Variants in PCDHGA8 observed in about 807,000 individuals in gnomAD.
PCDHGA8 encodes the protein protocadherin gamma-A8.
PCDHGA8 carries 45 observed loss-of-function variants against 59.2 expected under a neutral mutation model. That is an observed-to-expected ratio of 0.76 (90% CI 0.60 to 0.98). The LOEUF is 0.98. Ranked by LOEUF, PCDHGA8 falls within the 50% of genes least tolerant of loss-of-function variation. PCDHGA8 has a pLI of 0.00. For missense variants in PCDHGA8, 1,257 were observed against 1,196.2 expected (o/e 1.05, Z -0.75); for synonymous variants, 531 against 519.0 (o/e 1.02, Z -0.32).
At chr5:141,423,303 G>C (rs779246046) in intron 1 of PCDHGA8, 2 of 1,614,172 alleles carry the variant, frequency 1.2e-6, no homozygotes, top group Non-Finnish European at 1.7e-6. Flanking sequence ...ACCTCTCGCT[G>C]TACTTGGTGG....
intron 1 of PCDHGA8, chr5:141,420,092 G>A: frequency 1.2e-6 from 2 of 1,614,020 alleles, no homozygotes; most frequent in Non-Finnish European, 1.7e-6. Flanking sequence ...CAACTACAGT[G>A]AGGGAACGTT....
At chr5:141,415,482 G>A in intron 1 of PCDHGA8, 1 of 1,614,218 alleles carries the variant, frequency 6.2e-7, no homozygotes, top group Non-Finnish European at 8.5e-7. Flanking sequence ...ACTCGCGAAA[G>A]AGTCACCTGA....
chr5:141,438,513 A>G (rs2097964808), intron 1 of PCDHGA8, among the ~76,000 whole-genome samples: 1 of 148,768 alleles, frequency 6.7e-6, no homozygotes, highest in Non-Finnish European at 1.5e-5. Context: ...TGCAAAACCA[A>G]TTATTTTACA....
chr5:141,486,444 T>G lies in PCDHGA8; in HGVS notation c.2425-8363T>G. 1 of 1,614,086 alleles carries G rather than the reference T, an allele frequency of 6.2e-7. No homozygotes were observed. Among genetic ancestry groups the G allele is most frequent in the Non-Finnish European group, 8.5e-7 (1 of 1,179,930 alleles). ...GAGGCCAAATCTAGCTATGACATCA[T>G]GGTCACTGCTTCTGATGCTGGGAAC... On this transcript the variant is annotated intron_variant, in intron 1 of 3. Coordinates refer to ENST00000398604, the MANE Select transcript of PCDHGA8 (RefSeq NM_032088.2). The surrounding 1 kb of genome is among the most constrained non-coding windows in gnomAD (Gnocchi z 5.0).
intron 1 of PCDHGA8, chr5:141,442,112 C>CTCG (rs2098300474): frequency 6.0e-6 from 1 of 166,158 alleles, no homozygotes; most frequent in Admixed American, 6.5e-5. Context: ...ACTACCGCCC[C>CTCG]TCGTCGCCGA....
intron 1 of PCDHGA8, chr5:141,398,830 G>A: frequency 6.2e-7 from 1 of 1,613,946 alleles, no homozygotes; most frequent in Non-Finnish European, 8.5e-7. Flanking sequence ...GGTAACCGAC[G>A]CCAATGATAA....
intron 1 of PCDHGA8, chr5:141,403,432 G>A: frequency 1.2e-6 from 2 of 1,614,018 alleles, no homozygotes; most frequent in Non-Finnish European, 1.7e-6. Flanking sequence ...CTATTGATCC[G>A]GATGTTGGCG....
At chr5:141,467,167 C>T (rs2099138606) in intron 1 of PCDHGA8, among the ~76,000 whole-genome samples, 1 of 151,832 alleles carries the variant, frequency 6.6e-6, no homozygotes, top group Non-Finnish European at 1.5e-5. Context: ...ATTCTCATCT[C>T]TCAGCCTCCC....
In PCDHGA8 at chr5:141,491,633, C is replaced by T; in HGVS notation, c.2425-3174C>T. Reference sequence around the variant, plus strand: ...CTAAGACCCCTCAGCGTTCAGCAGCCCACAGCTCTGGCGCTGGAGCCTGAC... The same window carrying T: ...CTAAGACCCCTCAGCGTTCAGCAGCTCACAGCTCTGGCGCTGGAGCCTGAC... On this transcript the variant is annotated intron_variant, in intron 1 of 3. Transcript: ENST00000398604. This position sits in a 1 kb window ranked among gnomAD's most constrained non-coding sequence, Gnocchi z 6.9. 2 of 1,613,916 alleles carry T rather than the reference C, an allele frequency of 1.2e-6. No homozygotes were observed.
chr5:141,490,251 A>G lies in PCDHGA8; in HGVS notation c.2425-4556A>G, dbSNP rs1479384008. ...CCATGGAGGGCCACTGTGTGATTCA[A>G]GTGGATGTGGGGGATGTCAATGACA... is the stretch of plus-strand genomic sequence containing the variant. On this transcript the variant is annotated intron_variant, in intron 1 of 3. Coordinates refer to ENST00000398604, the MANE Select transcript of PCDHGA8 (RefSeq NM_032088.2). This position sits in a 1 kb window ranked among gnomAD's most constrained non-coding sequence, Gnocchi z 5.4. 6.2e-7 allele frequency: 1 copy of G among 1,614,210 alleles called. No homozygotes were observed. Among genetic ancestry groups the G allele is most frequent in the Non-Finnish European group, 8.5e-7 (1 of 1,180,036 alleles).
At chr5:141,411,215 A>C (rs1202378654) in intron 1 of PCDHGA8, 1 of 152,270 alleles carries the variant, frequency 6.6e-6, no homozygotes, top group Non-Finnish European at 1.5e-5. Context: ...TAACCTATCT[A>C]TTCAAATTTG....
chr5:141,412,664 A>G (rs959517920), intron 1 of PCDHGA8: 10 of 152,288 alleles, frequency 6.6e-5, no homozygotes, highest in African/African-American at 2.4e-4. Flanking sequence ...AGACACTAAT[A>G]TGACCTAAAA....
At position 141,414,898 on chromosome 5, in the gene PCDHGA8, G is replaced by A. The variant is rs1369274783; in HGVS notation, c.2424+19661G>A. On this transcript the variant is annotated intron_variant, in intron 1 of 3. Coordinates refer to ENST00000398604, the MANE Select transcript of PCDHGA8 (RefSeq NM_032088.2). ...CCTGTACCCCGCCCTCCCCACAGAC[G>A]GTTCCACAGGCGTGGAGCTGGCGCC... is the stretch of plus-strand genomic sequence containing the variant. 2.5e-6 allele frequency: 4 copies of A among 1,614,190 alleles called. No individual in the cohort carries two copies. Among genetic ancestry groups the A allele is most frequent in the Admixed American group, 1.7e-5 (1 of 60,028 alleles).
At chr5:141,418,901 A>G in intron 1 of PCDHGA8, 1 of 1,614,016 alleles carries the variant, frequency 6.2e-7, no homozygotes, top group East Asian at 2.2e-5. Context: ...CCCAGAAATA[A>G]TCATCACGTC....
chr5:141,408,909 A>G lies in PCDHGA8; in HGVS notation c.2424+13672A>G, dbSNP rs746399377. On this transcript the variant is annotated intron_variant, in intron 1 of 3. Transcript: ENST00000398604. ...ATAGAAATTTCTGTCAAGGATACCA[A>G]TGATAACCCCCCGGTTTTCAGCAGA... 1.3e-5 allele frequency: 21 copies of G among 1,613,442 alleles called. No individual in the cohort carries two copies. In the East Asian group the frequency reaches 2.5e-4, roughly 19 times the overall value.
At chr5:141,441,930 G>T in intron 1 of PCDHGA8, 1 of 347,232 alleles carries the variant, frequency 2.9e-6, no homozygotes, top group Non-Finnish European at 5.5e-6. Flanking sequence ...ATGCGTGGCT[G>T]TCCTACCACG....
rs756706355 is a variant in PCDHGA8 at position 141,486,950 on chromosome 5, G to A, written c.2425-7857G>A. On this transcript the variant is annotated intron_variant, in intron 1 of 3. Transcript: ENST00000398604. This position sits in a 1 kb window ranked among gnomAD's most constrained non-coding sequence, Gnocchi z 5.0. The stretch of plus-strand genomic sequence containing the variant: ...TGGTGCTGGCCACCTAATCACAAAG[G>A]TGACTGCTGTGGACTTGGATTCAGG... 2 of 1,614,202 alleles carry A rather than the reference G, an allele frequency of 1.2e-6. No homozygotes were observed. The highest frequency in any genetic ancestry group is 1.7e-6 in the Non-Finnish European group (2 of 1,180,044).
At chr5:141,419,757 G>A (rs1468216226) in intron 1 of PCDHGA8, 5 of 1,613,876 alleles carry the variant, frequency 3.1e-6, no homozygotes, top group African/African-American at 1.3e-5. Flanking sequence ...CGTGCTTTGG[G>A]TGACAAGGAC....
intron 3 of PCDHGA8, among the ~76,000 whole-genome samples, chr5:141,506,877 G>A (rs998146154): frequency 1.3e-5 from 2 of 152,142 alleles, no homozygotes; most frequent in Non-Finnish European, 2.9e-5. Flanking sequence ...AGAGAACCAG[G>A]TGAAATCACA....
Sources: gnomAD v4.1 joint callset for allele counts (sites outside exome capture counted in the v4.1 genomes callset) on GRCh38, gnomAD v4.1.1 for gene constraint, Gnocchi (gnomAD v3.1) non-coding constraint, MANE v1.5 for transcripts, NCBI Gene and HGNC (gene_info 2026-07-23, HGNC 2026-07-21) for gene names.